The following HINFP variants were observed in gnomAD, a reference collection of about 807,000 sequenced individuals.
The protein encoded by HINFP is MBD2 (methyl-CpG-binding protein)-interacting zinc finger protein.
A neutral mutation model predicts 50.1 loss-of-function variants in HINFP; 20 were observed. The observed-to-expected ratio is 0.40, with a 90% CI of 0.28 to 0.58. The LOEUF (loss-of-function observed/expected upper bound fraction) is 0.58, where lower values mean the gene tolerates loss of function less well. Among genes scored for constraint, HINFP ranks in the 20% least tolerant of loss-of-function variants. The pLI is 0.45. For missense variants in HINFP, 505 were observed against 664.1 expected, an observed-to-expected ratio of 0.76 and a Z score of 2.63; for synonymous variants, 247 against 243.7, an observed-to-expected ratio of 1.01 and a Z score of -0.13.
chr11:119,134,655 A>C lies in HINFP; in HGVS notation c.*157A>C. On this transcript the variant is annotated 3_prime_UTR_variant, in exon 10 of 10. Coordinates refer to ENST00000350777, the MANE Select transcript of HINFP (RefSeq NM_198971.3). This position sits in a 1 kb window ranked among gnomAD's most constrained non-coding sequence, Gnocchi z 4.3. ...GGCCTGGGTTTGCATCATTCTGCAG[A>C]CTCTAAAGACTTCCCTTTTCTGCCA... 1.8e-6 allele frequency: 1 copy of C among 562,378 alleles called. No homozygotes were observed. Among genetic ancestry groups the C allele is most frequent in the South Asian group, 2.9e-5 (1 of 34,888 alleles). The allele number at this position is 562,378 out of a possible 1,614,324, so 34.8% of individuals were successfully genotyped here.
At chr11:119,129,490 CTT>C (rs59395600) in intron 2 of HINFP, among the ~76,000 whole-genome samples, 31 of 124,078 alleles carry the variant, frequency 2.5e-4, no homozygotes, top group Non-Finnish European at 2.6e-4. Flanking sequence ...TTTTTCTTTT[CTT>C]TTTTTTTTTT....
intron 9 of HINFP, chr11:119,133,635 A>G: frequency 4.7e-6 from 1 of 212,242 alleles, no homozygotes; most frequent in Non-Finnish European, 9.5e-6. Flanking sequence ...TATGTCTGCC[A>G]TTTCCATTTA....
rs1948009882 is a variant in HINFP at position 119,135,423 on chromosome 11, G to C, written c.*925G>C. The C allele has an allele frequency of 6.6e-6, 1 of 152,180 alleles. No individual in the cohort carries two copies. Among genetic ancestry groups the C allele is most frequent in the African/African-American group, 2.4e-5 (1 of 41,416 alleles). 9.4% of individuals were successfully genotyped at this position (152,180 alleles called of 1,614,324 possible). On this transcript the variant is annotated 3_prime_UTR_variant, in exon 10 of 10. Coordinates refer to ENST00000350777, the MANE Select transcript of HINFP (RefSeq NM_198971.3). ...TTACCTGGGAGTGGGAAGGAAGCTGGGGGGTGGAGAGGATTGGGAAGCCTC... is the reference window on the plus strand; with the variant it reads ...TTACCTGGGAGTGGGAAGGAAGCTGCGGGGTGGAGAGGATTGGGAAGCCTC...
rs945392336 is a variant in HINFP at position 119,127,143 on chromosome 11, A to G, written c.181+18A>G. 4 of 1,576,374 alleles carry G rather than the reference A, an allele frequency of 2.5e-6. No individual in the cohort carries two copies. The African/African-American group carries it at 4.0e-5, about 16-fold the overall frequency. ...CCCACTTGGTAAGAGAGCAGGACAC[A>G]GGAAGGGGAGGAGCTCAAGGAAAGG... On this transcript the variant is annotated intron_variant, in intron 2 of 9. Coordinates refer to ENST00000350777, the MANE Select transcript of HINFP (RefSeq NM_198971.3).
intron 9 of HINFP, chr11:119,133,849 AGTCTCT>A (rs1327003460): frequency 6.7e-6 from 4 of 596,504 alleles, no homozygotes; most frequent in Non-Finnish European, 8.9e-6. Flanking sequence ...ACAGTCAGTC[AGTCTCT>A]GTTTTTCTGG....
At chr11:119,125,346 T>G (rs1947331530) in intron 1 of HINFP, 1 of 152,106 alleles carries the variant, frequency 6.6e-6, no homozygotes, top group Non-Finnish European at 1.5e-5. Context: ...GCCGAGAACC[T>G]TCAGTTTCAT....
intron 2 of HINFP, chr11:119,129,972 A>G (rs1456359474): frequency 3.3e-5 from 5 of 152,208 alleles, no homozygotes; most frequent in Non-Finnish European, 7.4e-5. Context: ...GGGAATGATT[A>G]TATTTTCTAA....
intron 1 of HINFP, chr11:119,124,255 G>A (rs978957346): frequency 6.6e-6 from 1 of 152,164 alleles, no homozygotes; most frequent in African/African-American, 2.4e-5. Flanking sequence ...GGTATAGTGG[G>A]TTCAGAAAAG....
intron 2 of HINFP, among the ~76,000 whole-genome samples, chr11:119,128,192 G>C (rs1302112078): frequency 6.6e-6 from 1 of 151,908 alleles, no homozygotes; most frequent in East Asian, 1.9e-4. Flanking sequence ...TTATGTTTTA[G>C]GTATGCCTTT....
chr11:119,132,905 A>G lies in HINFP; in HGVS notation c.917A>G (p.His306Arg). 1 of 1,614,232 alleles carries G rather than the reference A, an allele frequency of 6.2e-7. No homozygotes were observed. Among genetic ancestry groups the G allele is most frequent in the Non-Finnish European group, 8.5e-7 (1 of 1,180,044 alleles). The stretch of plus-strand genomic sequence containing the variant: ...GACCTCCAGAAGCACCTGGATACCC[A>G]CAGCGAGGAGCCAGCCTACAGGTGT... Reference protein sequence around the residue: ...LIDLQKHLDTHSEEPAYRCDF... With the variant: ...LIDLQKHLDTRSEEPAYRCDF... Residue 306 changes from histidine to arginine, a missense_variant, in exon 8 of 10, where the codon CAC becomes CGC. Transcript: ENST00000350777.
At chr11:119,133,276 C>G (rs1947883054) in intron 9 of HINFP, 57 bp downstream of exon 9, 2 of 1,601,434 alleles carry the variant, frequency 1.2e-6, no homozygotes, top group South Asian at 2.2e-5. Context: ...ACCTTTTCAA[C>G]CAGTTTTAAA....
At chr11:119,122,039 A>C (rs990960928) in intron 1 of HINFP, 1 of 152,124 alleles carries the variant, frequency 6.6e-6, no homozygotes, top group Admixed American at 6.5e-5. Flanking sequence ...CGTTGTCTTC[A>C]CGTATCAGTC....
At position 119,131,569 on chromosome 11, in the gene HINFP, A is replaced by G. The variant is rs1315149112; in HGVS notation, c.446A>G (p.His149Arg). The change falls in exon 4 of 10, where the codon CAT becomes CGT. Residue 149 changes from histidine to arginine, a missense_variant. Transcript: ENST00000350777. This position sits in a 1 kb window ranked among gnomAD's most constrained non-coding sequence, Gnocchi z 4.2. ...GACAATCCTGAGTGGTTTTATCGGC[A>G]TGTGGAAGCACACAGTCTGTGCTGT... Reference protein sequence around the residue: ...SFDNPEWFYRHVEAHSLCCEY... With the variant: ...SFDNPEWFYRRVEAHSLCCEY... 3 of 1,614,168 alleles carry G rather than the reference A, an allele frequency of 1.9e-6. No homozygotes were observed. The highest frequency in any genetic ancestry group is 2.5e-6 in the Non-Finnish European group (3 of 1,180,012).
intron 9 of HINFP, chr11:119,133,723 A>G (rs1009381275): frequency 5.9e-5 from 21 of 355,722 alleles, no homozygotes; most frequent in African/African-American, 4.1e-4. Flanking sequence ...CATGGTGCCA[A>G]ACCCAATAAA....
At position 119,130,731 on chromosome 11, in the gene HINFP, A is replaced by G. The variant is rs139292670; in HGVS notation, c.188A>G (p.Glu63Gly). Residue 63 changes from glutamate to glycine, a missense_variant, in exon 3 of 10, where the codon GAA becomes GGA. Glu to Gly is a moderately conservative substitution (Grantham distance 98, BLOSUM62 -2). Coordinates refer to ENST00000350777, the MANE Select transcript of HINFP (RefSeq NM_198971.3). The part of the protein sequence containing the change: ...EEEEDDPLEE[E>G]FSCLWQECGF... ...TTTAAACCCCTTTCTACAGAGGAAG[A>G]ATTCTCCTGCTTGTGGCAGGAATGT... is the stretch of plus-strand genomic sequence containing the variant. 7.9e-5 allele frequency: 127 copies of G among 1,613,938 alleles called. 3 individuals are homozygous for G. In the South Asian group the frequency reaches 1.3e-3, roughly 17 times the overall value.
rs1471924118 is a variant in HINFP, at chr11:119,134,070, T to A, written c.1140-14T>A. On this transcript the variant is annotated splice_polypyrimidine_tract_variant and intron_variant, in intron 9 of 9. Coordinates refer to ENST00000350777, the MANE Select transcript of HINFP (RefSeq NM_198971.3). The surrounding 1 kb of genome is among the most constrained non-coding windows in gnomAD (Gnocchi z 4.3). ...TGCCTGGGTTTGCTGCCCTTTATGC[T>A]CCTACCTCACCAGGTACAAGGAACA... 1 of 1,613,882 alleles carries A rather than the reference T, an allele frequency of 6.2e-7. No individual in the cohort carries two copies. Among genetic ancestry groups the A allele is most frequent in the African/African-American group, 1.3e-5 (1 of 74,848 alleles).
chr11:119,133,837 A>G, intron 9 of HINFP: 1 of 590,482 alleles, frequency 1.7e-6, no homozygotes, highest in Non-Finnish European at 3.0e-6. Flanking sequence ...TCACCCTCCA[A>G]CACAGTCAGT....
chr11:119,132,897 G>C lies in HINFP; in HGVS notation c.909G>C (p.Leu303=), dbSNP rs1441792170. 1 of 1,614,222 alleles carries C rather than the reference G, an allele frequency of 6.2e-7. No homozygotes were observed. The highest frequency in any genetic ancestry group is 2.2e-5 in the East Asian group (1 of 44,884). The part of the protein sequence containing the change: ...CKNLIDLQKH[L]DTHSEEPAYR... Reference sequence around the variant, plus strand: ...ATCTTATTGACCTCCAGAAGCACCTGGATACCCACAGCGAGGAGCCAGCCT... The same window carrying C: ...ATCTTATTGACCTCCAGAAGCACCTCGATACCCACAGCGAGGAGCCAGCCT... Residue 303 remains leucine (L), a synonymous_variant, in exon 8 of 10, where the codon CTG becomes CTC. Transcript: ENST00000350777.
chr11:119,125,688 A>T (rs949073870), intron 1 of HINFP: 1 of 152,196 alleles, frequency 6.6e-6, no homozygotes, highest in African/African-American at 2.4e-5. Context: ...AAGAAAAAAA[A>T]TATTTATTAC....
Sources: gnomAD v4.1 joint callset for allele counts (sites outside exome capture counted in the v4.1 genomes callset) on GRCh38, gnomAD v4.1.1 for gene constraint, Gnocchi (gnomAD v3.1) non-coding constraint, MANE v1.5 for transcripts, NCBI Gene and HGNC (gene_info 2026-07-23, HGNC 2026-07-21) for gene names.